The following SCAI variants were observed in gnomAD, a reference collection of about 807,000 sequenced individuals.
SCAI encodes the protein suppressor of cancer cell invasion.
SCAI carries 24 observed loss-of-function variants against 92.2 expected under a neutral mutation model. The ratio of observed to expected loss-of-function variants is 0.26; its 90% CI spans 0.19 to 0.37. The LOEUF (loss-of-function observed/expected upper bound fraction) is 0.37, where lower values mean the gene tolerates loss of function less well. Ranked by LOEUF, SCAI falls within the 10% of genes least tolerant of loss-of-function variation. SCAI has a pLI of 1.00. For missense variants in SCAI, 450 were observed against 736.2 expected (o/e 0.61, Z 4.50); for synonymous variants, 261 against 258.6 (o/e 1.01, Z -0.09).
chr9:125,001,072 T>C (rs989980461), intron 12 of SCAI, among the ~76,000 whole-genome samples: 4 of 152,186 alleles, frequency 2.6e-5, no homozygotes, highest in African/African-American at 4.8e-5. Context: ...GTACTAACAT[T>C]ATTACAAAAA....
At chr9:125,106,089 T>G (rs1262857774) in intron 2 of SCAI, among the ~76,000 whole-genome samples, 1 of 49,080 alleles carries the variant, frequency 2.0e-5, no homozygotes, top group Admixed American at 3.7e-4. Flanking sequence ...AGAGTGAGAC[T>G]CCATCTCAAA....
At chr9:124,999,008 T>A (rs1832302768) in intron 13 of SCAI, among the ~76,000 whole-genome samples, 1 of 152,146 alleles carries the variant, frequency 6.6e-6, no homozygotes, top group South Asian at 2.1e-4. Flanking sequence ...TACTCTGATC[T>A]GATCACAATA....
At chr9:125,118,006 CT>C (rs1441071131) in intron 2 of SCAI, among the ~76,000 whole-genome samples, 6 of 152,104 alleles carry the variant, frequency 3.9e-5, no homozygotes, top group Non-Finnish European at 8.8e-5. Flanking sequence ...ACCTTATCCC[CT>C]AATAAGCACT....
intron 14 of SCAI, among the ~76,000 whole-genome samples, chr9:124,990,586 A>C (rs1216846541): frequency 6.6e-6 from 1 of 152,198 alleles, no homozygotes; most frequent in Admixed American, 6.5e-5. Flanking sequence ...CAGAAAGAGG[A>C]AAGGGAGATA....
At chr9:124,990,892 T>A (rs909859866) in intron 14 of SCAI, among the ~76,000 whole-genome samples, 1 of 152,132 alleles carries the variant, frequency 6.6e-6, no homozygotes, top group Non-Finnish European at 1.5e-5. Context: ...ATACAGCTAG[T>A]CTTCATAAAT....
At chr9:125,004,773 A>T (rs1377415696) in intron 9 of SCAI, among the ~76,000 whole-genome samples, 1,739 of 9,680 alleles carry the variant, frequency 0.18, 248 homozygotes, top group Middle Eastern at 0.33. Flanking sequence ...ATATATATAT[A>T]TATATATTTT....
At chr9:125,125,099 T>C (rs954185109) in intron 2 of SCAI, among the ~76,000 whole-genome samples, 3 of 152,094 alleles carry the variant, frequency 2.0e-5, no homozygotes, top group Non-Finnish European at 4.4e-5. Context: ...CGCACACCTG[T>C]AGTCCCAGCT....
chr9:125,075,816 C>T (rs1469197358), intron 2 of SCAI, among the ~76,000 whole-genome samples: 1 of 152,148 alleles, frequency 6.6e-6, no homozygotes, highest in Non-Finnish European at 1.5e-5. Flanking sequence ...CCAACCGCCT[C>T]GGCCTCCCAA....
chr9:125,014,143 C>T (rs1832699293), intron 9 of SCAI, among the ~76,000 whole-genome samples: 2 of 152,154 alleles, frequency 1.3e-5, no homozygotes, highest in Non-Finnish European at 2.9e-5. Flanking sequence ...CCTCTCTCAC[C>T]ACTCCTATTC....
chr9:125,066,850 G>C (rs943738838), intron 2 of SCAI, among the ~76,000 whole-genome samples: 1 of 152,028 alleles, frequency 6.6e-6, no homozygotes, highest in African/African-American at 2.4e-5. Context: ...GATATGTTTG[G>C]ATATACAAGT....
chr9:125,115,200 G>A (rs1191611116), intron 2 of SCAI, among the ~76,000 whole-genome samples: 3 of 151,614 alleles, frequency 2.0e-5, no homozygotes, highest in Non-Finnish European at 4.4e-5. Flanking sequence ...ATGAAACCCC[G>A]TCTCTACTAA....
intron 9 of SCAI, among the ~76,000 whole-genome samples, chr9:125,006,681 G>C (rs371826195): frequency 1.3e-5 from 2 of 152,038 alleles, no homozygotes; most frequent in African/African-American, 4.8e-5. Context: ...TAGTAGAGAT[G>C]GGGTTTCACC....
At position 124,953,089 on chromosome 9, in the gene SCAI, T is replaced by C. The variant is rs1049795072; in HGVS notation, c.1675-136A>G. 2.8e-5 allele frequency: 21 copies of C among 739,370 alleles called. No homozygotes were observed. In the African/African-American group the frequency reaches 3.4e-4, roughly 12 times the overall value. The allele number at this position is 739,370 out of a possible 1,614,324, so 45.8% of individuals were successfully genotyped here. A position where few individuals can be genotyped will look rare whatever the true frequency, so the allele number is the denominator to read the frequency against. ...GATTCTTATTAATATATTTGTTGAA[T>C]ATTGAATTGCTGATATTTAACCATT... On this transcript the variant is annotated intron_variant, in intron 17 of 17. Transcript: ENST00000336505.
intron 14 of SCAI, among the ~76,000 whole-genome samples, chr9:124,992,784 G>T (rs147872649): frequency 6.6e-6 from 1 of 152,082 alleles, no homozygotes; most frequent in African/African-American, 2.4e-5. Flanking sequence ...AACAACAAAA[G>T]ACTTGCTATT....
chr9:125,136,025 T>G (rs1835518029), intron 2 of SCAI, among the ~76,000 whole-genome samples: 1 of 149,046 alleles, frequency 6.7e-6, no homozygotes, highest in Non-Finnish European at 1.5e-5. Context: ...TTTTCTAAAA[T>G]GTACTACATA....
intron 2 of SCAI, among the ~76,000 whole-genome samples, chr9:125,093,856 G>C (rs1467172216): frequency 6.6e-6 from 1 of 151,684 alleles, no homozygotes; most frequent in Non-Finnish European, 1.5e-5. Context: ...GAGCCACCGT[G>C]CCCGGCCGAC....
chr9:124,973,723 A>T (rs1831702964), intron 15 of SCAI, among the ~76,000 whole-genome samples: 1 of 152,146 alleles, frequency 6.6e-6, no homozygotes, highest in African/African-American at 2.4e-5. Flanking sequence ...GCTTCTCGGG[A>T]CGCTGAGGCA....
chr9:125,055,727 A>G, intron 3 of SCAI, 149 bp downstream of exon 3: 1 of 496,348 alleles, frequency 2.0e-6, no homozygotes, highest in Non-Finnish European at 3.4e-6. Context: ...GAATTTTAAA[A>G]ATGATGTCAA....
chr9:124,980,803 C>G (rs1311094829), intron 14 of SCAI, among the ~76,000 whole-genome samples: 2 of 152,178 alleles, frequency 1.3e-5, no homozygotes, highest in Non-Finnish European at 2.9e-5. Context: ...TGTACTAAAT[C>G]TTAGCAGTGA....
Sources: gnomAD v4.1 joint callset for allele counts (sites outside exome capture counted in the v4.1 genomes callset) on GRCh38, gnomAD v4.1.1 for gene constraint, MANE v1.5 for transcripts, NCBI Gene and HGNC (gene_info 2026-07-23, HGNC 2026-07-21) for gene names.